INPP5B: variants seen among roughly 807,000 people sequenced by gnomAD.
INPP5B encodes inositol polyphosphate-5-phosphatase B, also known as type II inositol 1,4,5-trisphosphate 5-phosphatase.
Under a neutral mutation model 118.5 loss-of-function variants are expected in INPP5B, and 90 were observed. That is an observed-to-expected ratio of 0.76 (90% confidence interval 0.64 to 0.90). INPP5B has a LOEUF of 0.90. Ranked by LOEUF, INPP5B falls within the 40% of genes least tolerant of loss-of-function variation. The pLI is 0.00. For missense variants in INPP5B, 984 were observed against 1,125.6 expected (o/e 0.87, Z 1.80); for synonymous variants, 385 against 418.9 (o/e 0.92, Z 0.99).
intron 18 of INPP5B, 32 bp from the exon 19 acceptor site, chr1:37,873,197 G>T (rs375218010): frequency 4.0e-6 from 6 of 1,501,950 alleles, no homozygotes; most frequent in Non-Finnish European, 5.6e-6. Context: ...AATGTTGGCC[G>T]GGGGCAGGCC....
At position 37,932,059 on chromosome 1, in the gene INPP5B, C is replaced by T; in HGVS notation, c.392-6G>A. 1 of 1,582,538 alleles carries T rather than the reference C, an allele frequency of 6.3e-7. No homozygotes were observed. The highest frequency in any genetic ancestry group is 1.1e-5 in the South Asian group (1 of 88,950). On this transcript the variant is annotated splice_region_variant and splice_polypyrimidine_tract_variant and intron_variant, in intron 6 of 23. Transcript: ENST00000373024. ...CCGGGTCGCAGAATCGAAGCCTGTG[C>T]AGGAACAAATGGGGGCAGACTGAGC...
Position 37,873,255 on chromosome 1 carries a change from G to A in INPP5B, c.1952-90C>T, listed in dbSNP as rs1642581246. The A allele has an allele frequency of 4.4e-6, 4 of 907,560 alleles. No individual in the cohort carries two copies. In the Admixed American group the frequency reaches 5.8e-5, roughly 13 times the overall value. 56.2% of individuals were successfully genotyped at this position (907,560 alleles called of 1,614,324 possible). On this transcript the variant is annotated intron_variant, in intron 18 of 23. Coordinates refer to ENST00000373024, the MANE Select transcript of INPP5B (RefSeq NM_005540.3). ...AGGAGGGAAGAGGGTAAGGCATAAA[G>A]GGTTAGGAAAAGGAAAGAAAAGGTA... is the stretch of plus-strand genomic sequence containing the variant.
intron 16 of INPP5B, among the ~76,000 whole-genome samples, chr1:37,876,503 A>T (rs1642815165): frequency 7.3e-6 from 1 of 137,076 alleles, no homozygotes; most frequent in South Asian, 2.6e-4. Context: ...ACCTGAGCCC[A>T]GGAGTCACTT....
intron 7 of INPP5B, among the ~76,000 whole-genome samples, chr1:37,911,528 A>G (rs763105383): frequency 6.6e-5 from 10 of 152,174 alleles, no homozygotes; most frequent in African/African-American, 9.7e-5. Context: ...AAGGGAGGCT[A>G]TGCTATAGTA....
chr1:37,866,420 A>T (rs771322271), intron 21 of INPP5B, 39 bp downstream of exon 21: 7 of 1,033,000 alleles, frequency 6.8e-6, no homozygotes, highest in Admixed American at 1.7e-5. Flanking sequence ...ACACACACAC[A>T]CACACACACA....
intron 7 of INPP5B, among the ~76,000 whole-genome samples, chr1:37,903,529 A>G (rs1644402534): frequency 6.6e-6 from 1 of 152,198 alleles, no homozygotes; most frequent in African/African-American, 2.4e-5. Context: ...GATTGAGACC[A>G]TTCTGGCTAA....
rs185966946 is a variant in INPP5B at position 37,876,008 on chromosome 1, C to T, written c.1678-292G>A. 3.2e-4 allele frequency among the ~76,000 whole-genome samples: 48 copies of T among 152,236 alleles called. No individual in the cohort carries two copies. The East Asian group carries it at 9.1e-3, about 29-fold the overall frequency. On this transcript the variant is annotated intron_variant, in intron 16 of 23. Transcript: ENST00000373024. ...GTCTTAGGACCAGGGCAGAAAAATG[C>T]TTGCCCAGTACCTAGCTCTATTTTG... is the stretch of plus-strand genomic sequence containing the variant.
At chr1:37,936,145 C>G (rs1047416566) in intron 6 of INPP5B, among the ~76,000 whole-genome samples, 3 of 152,122 alleles carry the variant, frequency 2.0e-5, no homozygotes, top group African/African-American at 7.2e-5. Flanking sequence ...TGCTGGGTAG[C>G]TAAGACCCTT....
chr1:37,942,737 C>T (rs1570423005), intron 5 of INPP5B, among the ~76,000 whole-genome samples: 3 of 152,170 alleles, frequency 2.0e-5, no homozygotes, highest in African/African-American at 4.8e-5. Flanking sequence ...GGCAAAACCC[C>T]GCCTCTGCAG....
chr1:37,931,595 A>G lies in INPP5B; in HGVS notation c.532+318T>C, dbSNP rs1424611055. The G allele has an allele frequency of 2.6e-6, 4 of 1,537,254 alleles. No homozygotes were observed. In the African/African-American group the frequency reaches 5.5e-5, roughly 21 times the overall value. On this transcript the variant is annotated intron_variant, in intron 7 of 23. Transcript: ENST00000373024. ...CGAGCGTCCACTGGCCAAACCGCCGACCCTGCCCACCCGAGGGCCGGGCGC... is the reference window on the plus strand; with the variant it reads ...CGAGCGTCCACTGGCCAAACCGCCGGCCCTGCCCACCCGAGGGCCGGGCGC...
chr1:37,927,817 G>A (rs1227337221), intron 7 of INPP5B, among the ~76,000 whole-genome samples: 2 of 152,112 alleles, frequency 1.3e-5, no homozygotes, highest in African/African-American at 2.4e-5. Context: ...GATTACAGGC[G>A]TGAGCCACTG....
In INPP5B at chr1:37,881,910, C is replaced by T. The variant is rs142987388; in HGVS notation, c.1431+897G>A. Reference sequence around the variant, plus strand: ...GTCAGGAGTTCGAGACCAGCCTGGCCAGCACGGTGAAACCCCGTCTTTACT... The same window carrying T: ...GTCAGGAGTTCGAGACCAGCCTGGCTAGCACGGTGAAACCCCGTCTTTACT... On this transcript the variant is annotated intron_variant, in intron 14 of 23. Transcript: ENST00000373024. Among the ~76,000 whole-genome samples the T allele has an allele frequency of 1.9e-3, 287 of 152,148 alleles. 3 individuals are homozygous for T. Among genetic ancestry groups the T allele is most frequent in the Middle Eastern group, 0.014 (4 of 294 alleles).
intron 7 of INPP5B, among the ~76,000 whole-genome samples, chr1:37,902,427 C>A (rs927912073): frequency 2.6e-5 from 4 of 152,164 alleles, no homozygotes; most frequent in African/African-American, 9.7e-5. Flanking sequence ...TCTGCCAACA[C>A]CTAGAAGAAA....
chr1:37,906,004 T>C (rs544644010), intron 7 of INPP5B, among the ~76,000 whole-genome samples: 18 of 152,232 alleles, frequency 1.2e-4, no homozygotes, highest in Admixed American at 2.0e-4. Context: ...TGGAAACTAT[T>C]TGTGAGTATT....
chr1:37,946,598 T>C (rs28545785), intron 1 of INPP5B, among the ~76,000 whole-genome samples: 14,838 of 152,236 alleles, frequency 0.097, 887 homozygotes, highest in East Asian at 0.18. Flanking sequence ...CAGTTGCTCT[T>C]GAGTGTGGTC....
intron 8 of INPP5B, among the ~76,000 whole-genome samples, chr1:37,890,854 A>C (rs1376778293): frequency 6.6e-6 from 1 of 152,178 alleles, no homozygotes; most frequent in Non-Finnish European, 1.5e-5. Flanking sequence ...AAAAGTACTT[A>C]CCTCTTAGGC....
At chr1:37,888,789 G>A (rs987605896) in intron 9 of INPP5B, among the ~76,000 whole-genome samples, 4 of 152,160 alleles carry the variant, frequency 2.6e-5, no homozygotes, top group South Asian at 2.1e-4. Context: ...CCAATGCAAC[G>A]ATTTTGAAAG....
At chr1:37,862,790 A>G (rs1196503541) in intron 23 of INPP5B, among the ~76,000 whole-genome samples, 4 of 151,696 alleles carry the variant, frequency 2.6e-5, no homozygotes, top group Admixed American at 2.0e-4. Flanking sequence ...CACTTTGGGA[A>G]GCCAAAGCGG....
At chr1:37,945,899 C>G in intron 2 of INPP5B, 49 bp from the exon 3 acceptor site, 1 of 1,537,518 alleles carries the variant, frequency 6.5e-7, no homozygotes, top group Non-Finnish European at 9.0e-7. Flanking sequence ...GGCCTCTCCC[C>G]ACCCAGGCTG....
Sources: gnomAD v4.1 joint callset for allele counts (sites outside exome capture counted in the v4.1 genomes callset) on GRCh38, gnomAD v4.1.1 for gene constraint, MANE v1.5 for transcripts, NCBI Gene and HGNC (gene_info 2026-07-23, HGNC 2026-07-21) for gene names.